ZKSCAN7: variants seen among roughly 807,000 people sequenced by gnomAD.
ZKSCAN7 encodes zinc finger with KRAB and SCAN domains 7.
Under a neutral mutation model 65.3 loss-of-function variants are expected in ZKSCAN7, and 38 were observed. The observed-to-expected ratio is 0.58, with a 90% CI of 0.45 to 0.76. The LOEUF is 0.76. Ranked by LOEUF, ZKSCAN7 falls within the 30% of genes least tolerant of loss-of-function variation. The pLI is 0.00. For missense variants in ZKSCAN7, 815 were observed against 913.3 expected (o/e 0.89, Z 1.39); for synonymous variants, 321 against 321.0 (o/e 1.00, Z 0.00).
chr3:44,562,261 C>T (rs963124483), intron 2 of ZKSCAN7, among the ~76,000 whole-genome samples: 3 of 152,230 alleles, frequency 2.0e-5, no homozygotes, highest in African/African-American at 4.8e-5. Flanking sequence ...ACCTTGGCCT[C>T]TTTTAGCCAC....
At chr3:44,566,829 G>A (rs1699646904) in intron 3 of ZKSCAN7, among the ~76,000 whole-genome samples, 1 of 151,328 alleles carries the variant, frequency 6.6e-6, no homozygotes, top group Admixed American at 6.6e-5. Context: ...TAGAAATGGG[G>A]TCTCCTACTG....
At position 44,580,291 on chromosome 3, in the gene ZKSCAN7, C is replaced by T. The variant is rs1273673327; in HGVS notation, c.812-2681C>T. 1.6e-5 allele frequency: 26 copies of T among 1,613,830 alleles called. No homozygotes were observed. The Middle Eastern group carries it at 5.0e-4, about 31-fold the overall frequency. ...CAGTCCATGCGGTCGCTACTCATGG[C>T]GCTCTCCTCTTCTTTGCTCTCCAGC... On this transcript the variant is annotated intron_variant, in intron 5 of 5. Coordinates refer to the ZKSCAN7 transcript ENST00000341840.
intron 3 of ZKSCAN7, among the ~76,000 whole-genome samples, chr3:44,566,786 A>G (rs1184946391): frequency 6.6e-6 from 1 of 150,672 alleles, no homozygotes; most frequent in Non-Finnish European, 1.5e-5. Flanking sequence ...GCATGCCACC[A>G]TGACCAGCTC....
At chr3:44,566,364 C>G (rs961500764) in intron 3 of ZKSCAN7, among the ~76,000 whole-genome samples, 1 of 152,148 alleles carries the variant, frequency 6.6e-6, no homozygotes, top group African/African-American at 2.4e-5. Context: ...GAGGATTACT[C>G]TGGCACAGGT....
chr3:44,568,271 T>C, intron 4 of ZKSCAN7, 36 bp from the exon 5 acceptor site: 1 of 1,602,724 alleles, frequency 6.2e-7, no homozygotes, highest in Non-Finnish European at 8.5e-7. Context: ...CTTCAGGCTG[T>C]GAATGTTCCT....
At chr3:44,561,281 G>T (rs201109666) in intron 2 of ZKSCAN7, among the ~76,000 whole-genome samples, 1 of 149,104 alleles carries the variant, frequency 6.7e-6, no homozygotes, top group African/African-American at 2.5e-5. Flanking sequence ...AATGCAGGGG[G>T]AAGTGACACA....
At chr3:44,575,262 A>G (rs1419707934), downstream of ZKSCAN7, among the ~76,000 whole-genome samples, 2 of 152,232 alleles carry the variant, frequency 1.3e-5, no homozygotes, top group Non-Finnish European at 2.9e-5. Context: ...CACCACTGCA[A>G]TCTAGCCTAG....
At chr3:44,562,270 A>G (rs1699496917) in intron 2 of ZKSCAN7, among the ~76,000 whole-genome samples, 1 of 152,168 alleles carries the variant, frequency 6.6e-6, no homozygotes, top group African/African-American at 2.4e-5. Context: ...TCTTTTAGCC[A>G]CAGCTGGAGC....
chr3:44,556,717 G>A (rs183095999), intron 1 of ZKSCAN7, among the ~76,000 whole-genome samples: 1 of 152,314 alleles, frequency 6.6e-6, no homozygotes, highest in East Asian at 1.9e-4. Flanking sequence ...GTTGTGAAGG[G>A]CTGTGAATGC....
Position 44,570,651 on chromosome 3 carries a change from A to G in ZKSCAN7, c.1541A>G (p.Gln514Arg), listed in dbSNP as rs1323414729. ...FIRSKSLARH[Q>R]VLHTGKKPYK... ...CGAAGCAAAAGTCTTGCTCGACATC[A>G]GGTCCTGCACACTGGTAAGAAACCT... The change falls in exon 6 of 6, where the codon CAG (glutamine) becomes CGG (arginine). Residue 514 changes from glutamine to arginine, a missense_variant. Physicochemically the swap from Gln to Arg is conservative, Grantham distance 43. This residue lies in a region of ZKSCAN7 where 578 missense variants were observed against 629.5 expected (regional missense o/e 0.92). Transcript: ENST00000426540. 1 of 1,614,138 alleles carries G rather than the reference A, an allele frequency of 6.2e-7. No individual in the cohort carries two copies. Among genetic ancestry groups the G allele is most frequent in the Non-Finnish European group, 8.5e-7 (1 of 1,179,994 alleles).
At chr3:44,574,001 T>TA (rs1699876945), downstream of ZKSCAN7, among the ~76,000 whole-genome samples, 1 of 152,152 alleles carries the variant, frequency 6.6e-6, no homozygotes, top group Non-Finnish European at 1.5e-5. Context: ...AGCATAAACT[T>TA]AAAAAAAATT....
intron 5 of ZKSCAN7, among the ~76,000 whole-genome samples, chr3:44,569,082 A>G (rs1237183886): frequency 2.6e-5 from 4 of 152,216 alleles, no homozygotes; most frequent in African/African-American, 9.6e-5. Flanking sequence ...AAATTTCCTC[A>G]GAGATGGACT....
downstream of ZKSCAN7, among the ~76,000 whole-genome samples, chr3:44,574,911 CAA>C (rs891737209): frequency 9.9e-5 from 15 of 152,078 alleles, no homozygotes; most frequent in African/African-American, 3.6e-4. Context: ...GCCTGGGTGA[CAA>C]GAGCAAGACT....
At chr3:44,575,110 C>T (rs1699896612), downstream of ZKSCAN7, among the ~76,000 whole-genome samples, 1 of 152,040 alleles carries the variant, frequency 6.6e-6, no homozygotes, top group Non-Finnish European at 1.5e-5. Flanking sequence ...CTGGGCAACA[C>T]GTCAAGACCC....
downstream of ZKSCAN7, among the ~76,000 whole-genome samples, chr3:44,576,470 AG>A (rs1699926281): frequency 6.6e-6 from 1 of 152,150 alleles, no homozygotes; most frequent in Non-Finnish European, 1.5e-5. Context: ...GGATTACCAA[AG>A]GCAGTGTATC....
Position 44,557,085 on chromosome 3 carries a change from C to T in ZKSCAN7, c.38C>T (p.Pro13Leu), listed in dbSNP as rs1372373619. 2 of 1,614,098 alleles carry T rather than the reference C, an allele frequency of 1.2e-6. No individual in the cohort carries two copies. The highest frequency in any genetic ancestry group is 1.3e-5 in the African/African-American group (1 of 74,928). ...TAGRGNLGLI[P>L]RSTAFQKQEG... is the part of the protein sequence containing the mutation. ...GGCAGGGGAAATTTAGGCCTCATCC[C>T]CAGGAGCACTGCTTTCCAGAAGCAA... The change falls in exon 2 of 6, where the codon CCC (proline) becomes CTC (leucine). Residue 13 changes from proline to leucine, a missense_variant. Physicochemically the swap from Pro to Leu is moderately conservative, Grantham distance 98. Coordinates refer to ENST00000426540, the MANE Select transcript of ZKSCAN7 (RefSeq NM_001288590.2).
At chr3:44,577,289 T>TTG (rs925566780) in intron 5 of ZKSCAN7, among the ~76,000 whole-genome samples, 3 of 151,840 alleles carry the variant, frequency 2.0e-5, no homozygotes, top group Non-Finnish European at 2.9e-5. Context: ...TTCTTTTTTT[T>TTG]TTTGTTTTTT....
At chr3:44,556,101 T>C (rs954417798) in intron 1 of ZKSCAN7, among the ~76,000 whole-genome samples, 2 of 152,194 alleles carry the variant, frequency 1.3e-5, no homozygotes, top group Non-Finnish European at 2.9e-5. Context: ...TCTCTAAGCC[T>C]AGCGTGATCA....
intron 1 of ZKSCAN7, among the ~76,000 whole-genome samples, chr3:44,556,212 G>T (rs1189686434): frequency 6.6e-6 from 1 of 152,172 alleles, no homozygotes; most frequent in Non-Finnish European, 1.5e-5. Flanking sequence ...AGTTTGGAGG[G>T]TGAGAGTGGT....
Sources: gnomAD v4.1 joint callset for allele counts (sites outside exome capture counted in the v4.1 genomes callset) on GRCh38, gnomAD v4.1.1 for gene constraint, gnomAD v4.1.1 regional missense constraint, MANE v1.5 for transcripts, NCBI Gene and HGNC (gene_info 2026-07-23, HGNC 2026-07-21) for gene names.